Variants in XKR9 observed in about 807,000 individuals in gnomAD.
The protein encoded by XKR9 is XK-related protein 9.
In XKR9, 32 loss-of-function variants were observed where a neutral mutation model predicts 32.0. The observed-to-expected ratio is 1.00, with a 90% confidence interval of 0.76 to 1.34. XKR9 has a LOEUF of 1.34. XKR9 is among the 40% of genes most tolerant of loss of function. The pLI is 0.00. For synonymous variants in XKR9, 168 were observed against 143.4 expected (o/e 1.17, Z -1.22); for missense variants, 546 against 429.7 (o/e 1.27, Z -2.39).
intron 1 of XKR9, among the ~76,000 whole-genome samples, chr8:70,672,847 C>T (rs1818760084): frequency 6.6e-6 from 1 of 152,108 alleles, no homozygotes; most frequent in Non-Finnish European, 1.5e-5. Flanking sequence ...TGTTTGTTGG[C>T]CATTTGTATG....
At chr8:70,960,561 A>G in the XKR9 span, among the ~76,000 whole-genome samples, 3 of 152,122 alleles carry the variant, frequency 2.0e-5, no homozygotes, top group African/African-American at 7.2e-5. Flanking sequence ...GTTGCTGATA[A>G]GGATATATAG....
the XKR9 span, among the ~76,000 whole-genome samples, chr8:70,994,477 A>T: frequency 2.6e-5 from 4 of 152,190 alleles, no homozygotes; most frequent in East Asian, 7.7e-4. Context: ...GTCTTCTGTA[A>T]TTCTTCTATA....
chr8:70,942,293 T>C, the XKR9 span, among the ~76,000 whole-genome samples: 2 of 152,188 alleles, frequency 1.3e-5, no homozygotes, highest in Non-Finnish European at 2.9e-5. Context: ...GCGATCTTAG[T>C]TGATGACTAT....
At chr8:71,055,594 C>T in the XKR9 span, among the ~76,000 whole-genome samples, 1 of 152,106 alleles carries the variant, frequency 6.6e-6, no homozygotes. Flanking sequence ...GAAATAAAAG[C>T]AGAAAAGGAT....
At chr8:70,955,239 G>T in the XKR9 span, among the ~76,000 whole-genome samples, 2 of 152,152 alleles carry the variant, frequency 1.3e-5, no homozygotes, top group Non-Finnish European at 2.9e-5. Flanking sequence ...AAGCCCAGTG[G>T]GATCCCCAGG....
At chr8:70,987,051 TG>T in the XKR9 span, among the ~76,000 whole-genome samples, 2 of 152,266 alleles carry the variant, frequency 1.3e-5, no homozygotes, top group Admixed American at 6.5e-5. Context: ...GAGAACAGTA[TG>T]GGGGAAACCA....
the XKR9 span, among the ~76,000 whole-genome samples, chr8:70,914,820 T>C: frequency 2.0e-5 from 3 of 152,236 alleles, no homozygotes; most frequent in Non-Finnish European, 2.9e-5. Flanking sequence ...AAGATAGATT[T>C]TCTAAAACTA....
At chr8:70,830,574 G>A in the XKR9 span, among the ~76,000 whole-genome samples, 2 of 152,224 alleles carry the variant, frequency 1.3e-5, no homozygotes, top group African/African-American at 2.4e-5. Context: ...GCGACAGAAC[G>A]AGACCCTGTC....
the XKR9 span, among the ~76,000 whole-genome samples, chr8:70,961,221 A>C: frequency 1.3e-5 from 2 of 152,052 alleles, no homozygotes; most frequent in East Asian, 3.9e-4. Context: ...GTGGAAAGTC[A>C]AGTCAGAAAG....
the XKR9 span, among the ~76,000 whole-genome samples, chr8:71,008,544 TCC>T: frequency 2.0e-5 from 3 of 152,312 alleles, no homozygotes; most frequent in South Asian, 6.2e-4. Context: ...AAAATCTTGC[TCC>T]CTCACCACTG....
the XKR9 span, among the ~76,000 whole-genome samples, chr8:71,034,212 A>C: frequency 6.6e-6 from 1 of 152,134 alleles, no homozygotes; most frequent in African/African-American, 2.4e-5. Context: ...ATGGAAGGTG[A>C]TTAGATCATG....
chr8:71,004,938 T>A, the XKR9 span, among the ~76,000 whole-genome samples: 1 of 151,770 alleles, frequency 6.6e-6, no homozygotes. Context: ...CTCAAAACAG[T>A]TCAGCTTCAG....
the XKR9 span, among the ~76,000 whole-genome samples, chr8:70,942,728 T>C: frequency 6.6e-6 from 1 of 152,168 alleles, no homozygotes; most frequent in African/African-American, 2.4e-5. Context: ...AAAAGTATTA[T>C]CATCCTTTTA....
At chr8:71,063,554 C>CA in the XKR9 span, among the ~76,000 whole-genome samples, 1,218 of 131,256 alleles carry the variant, frequency 9.3e-3, 5 homozygotes, top group African/African-American at 0.019. Context: ...GAGCAAGTGA[C>CA]AAAAAAAAAA....
the XKR9 span, among the ~76,000 whole-genome samples, chr8:70,810,047 G>A: frequency 6.6e-6 from 1 of 152,086 alleles, no homozygotes; most frequent in Non-Finnish European, 1.5e-5. Flanking sequence ...AGAGAAAGGT[G>A]GGGTTACCCA....
At chr8:70,835,746 C>T in the XKR9 span, among the ~76,000 whole-genome samples, 2 of 151,996 alleles carry the variant, frequency 1.3e-5, no homozygotes, top group Middle Eastern at 3.2e-3. Flanking sequence ...TAGTAGACTA[C>T]CTAAGGGCAT....
the XKR9 span, among the ~76,000 whole-genome samples, chr8:70,828,496 C>T: frequency 4.0e-5 from 6 of 151,772 alleles, no homozygotes; most frequent in Admixed American, 2.0e-4. Context: ...GAGGCCGAGG[C>T]GGGCGGATCA....
chr8:70,740,708 T>C (rs570055547), downstream of XKR9, among the ~76,000 whole-genome samples: 6 of 152,344 alleles, frequency 3.9e-5, no homozygotes, highest in South Asian at 1.2e-3. Context: ...GCTGCAGGTC[T>C]GTTGGAGTTT....
At chr8:70,817,510 G>A in the XKR9 span, among the ~76,000 whole-genome samples, 3 of 152,052 alleles carry the variant, frequency 2.0e-5, no homozygotes, top group Non-Finnish European at 2.9e-5. Context: ...TTTCATGCTC[G>A]TGGATCAGAA....
Sources: gnomAD v4.1 joint callset for allele counts (sites outside exome capture counted in the v4.1 genomes callset) on GRCh38, gnomAD v4.1.1 for gene constraint, MANE v1.5 for transcripts, NCBI Gene and HGNC (gene_info 2026-07-23, HGNC 2026-07-21) for gene names.